Variants in CPEB3 observed in about 807,000 individuals in gnomAD.
CPEB3 encodes the protein cytoplasmic polyadenylation element binding protein 3.
CPEB3 carries 20 observed loss-of-function variants against 67.2 expected under a neutral mutation model. That is an observed-to-expected ratio of 0.30 (90% CI 0.21 to 0.43). CPEB3 has a LOEUF of 0.43. Ranked by LOEUF, CPEB3 falls within the 20% of genes least tolerant of loss-of-function variation. CPEB3 has a pLI of 1.00. For synonymous variants in CPEB3, 376 were observed against 393.1 expected, an observed-to-expected ratio of 0.96 and a Z score of 0.51; for missense variants, 746 against 968.6, an observed-to-expected ratio of 0.77 and a Z score of 3.05.
At chr10:92,137,292 A>G in intron 6 of CPEB3, 1 of 656,362 alleles carries the variant, frequency 1.5e-6, no homozygotes, top group Non-Finnish European at 2.7e-6. Flanking sequence ...TGCAGAAACT[A>G]CAGATGGAAG....
In CPEB3 at chr10:92,179,148, CATT is replaced by C. The variant is rs776697317; in HGVS notation, c.1222+1812_1222+1814del. Among the ~76,000 whole-genome samples, 12 of 152,238 alleles carry C rather than the reference CATT, an allele frequency of 7.9e-5. No individual in the cohort carries two copies. In the South Asian group the frequency reaches 1.7e-3, roughly 21 times the overall value. ...ACAGTATCTTCATGCTGAAAACAATCATTAAGATTACCTAATCACCCCCCTTCT... is the reference window on the plus strand; with the variant it reads ...ACAGTATCTTCATGCTGAAAACAATCAAGATTACCTAATCACCCCCCTTCT... On this transcript the variant is annotated intron_variant, in intron 4 of 9. Coordinates refer to ENST00000265997, the MANE Select transcript of CPEB3 (RefSeq NM_014912.5).
intron 6 of CPEB3, among the ~76,000 whole-genome samples, chr10:92,114,209 C>G (rs1347754353): frequency 1.3e-5 from 2 of 152,194 alleles, no homozygotes; most frequent in Admixed American, 1.3e-4. Flanking sequence ...CAAAATCACT[C>G]TTGAAAACAA....
intron 2 of CPEB3, among the ~76,000 whole-genome samples, chr10:92,211,306 C>T (rs1294358511): frequency 6.6e-6 from 1 of 152,068 alleles, no homozygotes; most frequent in African/African-American, 2.4e-5. Context: ...CAAGAAAACT[C>T]TTACATTGTC....
At chr10:92,192,448 C>T (rs913339806) in intron 3 of CPEB3, 29 bp downstream of exon 3, 4 of 1,557,898 alleles carry the variant, frequency 2.6e-6, no homozygotes, top group Non-Finnish European at 2.6e-6. Flanking sequence ...AAACACCAAG[C>T]AAGAAATGGA....
intron 2 of CPEB3, among the ~76,000 whole-genome samples, chr10:92,194,800 G>A (rs1849151886): frequency 6.6e-6 from 1 of 152,196 alleles, no homozygotes; most frequent in East Asian, 1.9e-4. Context: ...CCAGCACTTT[G>A]GGAGGCTGAG....
At chr10:92,281,863 C>T (rs570567187) in intron 1 of CPEB3, among the ~76,000 whole-genome samples, 42 of 152,288 alleles carry the variant, frequency 2.8e-4, no homozygotes, top group South Asian at 1.9e-3. Context: ...GTTTTATCTA[C>T]TGTTGCCGGT....
chr10:92,206,648 G>A (rs1206793414), intron 2 of CPEB3, among the ~76,000 whole-genome samples: 1 of 151,898 alleles, frequency 6.6e-6, no homozygotes, highest in African/African-American at 2.4e-5. Flanking sequence ...ATCTTATTTT[G>A]TAGGCAATAA....
intron 6 of CPEB3, 30 bp downstream of exon 6, chr10:92,142,999 C>A (rs374330295): frequency 1.3e-6 from 2 of 1,498,846 alleles, no homozygotes; most frequent in African/African-American, 2.8e-5. Context: ...CTCCAACAGG[C>A]AAGCAGTGGA....
At chr10:92,167,775 G>A (rs894257237) in intron 4 of CPEB3, among the ~76,000 whole-genome samples, 26 of 152,184 alleles carry the variant, frequency 1.7e-4, no homozygotes, top group African/African-American at 6.3e-4. Context: ...AGGTGTGGTG[G>A]CGCACACCTG....
rs552057097 is a variant in CPEB3 at position 92,238,645 on chromosome 10, C to T, written c.1005+701G>A. ...ACCTCCGAAAAAAAAAAAAAAAATC[C>T]TTCTTCTAGGTAACATGGAGAGGGT... On this transcript the variant is annotated intron_variant, in intron 2 of 9. Transcript: ENST00000265997. 3.3e-5 allele frequency among the ~76,000 whole-genome samples: 5 copies of T among 149,682 alleles called. No homozygotes were observed. In the East Asian group the frequency reaches 9.7e-4, roughly 29 times the overall value.
chr10:92,253,478 A>AG (rs1380220550), intron 1 of CPEB3, among the ~76,000 whole-genome samples: 2 of 151,110 alleles, frequency 1.3e-5, no homozygotes, highest in Non-Finnish European at 3.0e-5. Flanking sequence ...AAAAAAAAAA[A>AG]AAAAAAGAAA....
At position 92,091,892 on chromosome 10, in the gene CPEB3, G is replaced by C; in HGVS notation, c.1625C>G (p.Ser542Cys). 6.2e-7 allele frequency: 1 copy of C among 1,613,864 alleles called. No individual in the cohort carries two copies. Among genetic ancestry groups the C allele is most frequent in the Non-Finnish European group, 8.5e-7 (1 of 1,179,952 alleles). ...AGTTTTTCTGGGGTCCAAAGGCTGA[G>C]AACCATCCATTACAAAGTCACTGTC... ...LSDSDFVMDG[S>C]QPLDPRKTIF... The change falls in exon 8 of 10, where the codon TCT (serine) becomes TGT (cysteine). Residue 542 changes from serine (S) to cysteine (C), a missense_variant. Physicochemically the swap from Ser to Cys is moderately radical, Grantham distance 112. Transcript: ENST00000265997.
At chr10:92,226,991 A>C (rs1193441590) in intron 2 of CPEB3, among the ~76,000 whole-genome samples, 2 of 152,190 alleles carry the variant, frequency 1.3e-5, no homozygotes, top group Non-Finnish European at 2.9e-5. Context: ...TGGTATATGC[A>C]CAGAAAGGAA....
At chr10:92,053,732 G>C (rs536890296) in intron 9 of CPEB3, among the ~76,000 whole-genome samples, 3 of 152,074 alleles carry the variant, frequency 2.0e-5, no homozygotes, top group African/African-American at 7.2e-5. Context: ...TAGTAGAGAC[G>C]GGGTTTCACT....
intron 9 of CPEB3, among the ~76,000 whole-genome samples, chr10:92,053,445 A>C (rs932243401): frequency 4.0e-5 from 6 of 149,404 alleles, no homozygotes; most frequent in Non-Finnish European, 8.9e-5. Context: ...CTCACTGCAA[A>C]CTCTGCCTCC....
chr10:92,235,782 G>A (rs1403376461), intron 2 of CPEB3, among the ~76,000 whole-genome samples: 4 of 152,196 alleles, frequency 2.6e-5, no homozygotes, highest in African/African-American at 4.8e-5. Flanking sequence ...ACCTGGGTAC[G>A]TCACCTCACA....
intron 7 of CPEB3, among the ~76,000 whole-genome samples, chr10:92,093,663 C>T (rs1250072951): frequency 2.6e-5 from 4 of 151,828 alleles, no homozygotes; most frequent in African/African-American, 9.7e-5. Context: ...CCATCATGCC[C>T]GGTTAATTTT....
At chr10:92,269,765 C>A (rs1853221792) in intron 1 of CPEB3, among the ~76,000 whole-genome samples, 1 of 152,050 alleles carries the variant, frequency 6.6e-6, no homozygotes, top group Admixed American at 6.6e-5. Context: ...ATCATGTTGG[C>A]CAGGCTAGTC....
At chr10:92,190,874 G>C (rs1329147344) in intron 3 of CPEB3, among the ~76,000 whole-genome samples, 1 of 152,000 alleles carries the variant, frequency 6.6e-6, no homozygotes, top group Non-Finnish European at 1.5e-5. Context: ...GAAAAGCTAT[G>C]TGCAAGAACT....
Sources: allele counts gnomAD v4.1 joint callset (sites outside exome capture counted in the v4.1 genomes callset), GRCh38; gene constraint gnomAD v4.1.1; transcripts MANE v1.5; gene names NCBI Gene and HGNC (gene_info 2026-07-23, HGNC 2026-07-21).